ADGRA3: variants seen among roughly 807,000 people sequenced by gnomAD.
The protein encoded by ADGRA3 is G-protein coupled receptor 125.
A neutral mutation model predicts 119.8 loss-of-function variants in ADGRA3; 56 were observed. That is an observed-to-expected ratio of 0.47 (90% confidence interval 0.38 to 0.58). The LOEUF (loss-of-function observed/expected upper bound fraction) is 0.58, where lower values mean the gene tolerates loss of function less well. Among genes scored for constraint, ADGRA3 ranks in the 20% least tolerant of loss-of-function variants. The probability of loss-of-function intolerance (pLI) is 0.00; values close to 1 mark genes in which losing one functional copy is unlikely to be tolerated. For missense variants in ADGRA3, 1,516 were observed against 1,649.0 expected (o/e 0.92, Z 1.40); for synonymous variants, 607 against 623.8 (o/e 0.97, Z 0.40).
At chr4:22,497,801 C>T (rs1054038197) in intron 1 of ADGRA3, among the ~76,000 whole-genome samples, 6 of 147,772 alleles carry the variant, frequency 4.1e-5, no homozygotes, top group South Asian at 2.1e-4. Flanking sequence ...GTGTTCAGGC[C>T]GGGTGTGGTA....
At chr4:22,400,680 C>A (rs1226974914) in intron 16 of ADGRA3, among the ~76,000 whole-genome samples, 2 of 151,110 alleles carry the variant, frequency 1.3e-5, no homozygotes, top group African/African-American at 2.4e-5. Flanking sequence ...TTACAGAGAT[C>A]ACATGTTATA....
chr4:22,460,127 C>T (rs1051110098), intron 3 of ADGRA3, among the ~76,000 whole-genome samples: 3 of 152,156 alleles, frequency 2.0e-5, no homozygotes, highest in East Asian at 1.9e-4. Flanking sequence ...AATCTAAACA[C>T]GTCAGTGGCT....
chr4:22,445,284 T>A (rs1716789844), intron 5 of ADGRA3, 151 bp from the exon 6 acceptor site: 2 of 691,818 alleles, frequency 2.9e-6, no homozygotes, highest in Admixed American at 2.3e-5. Flanking sequence ...ACAGTTTCTC[T>A]CCAAGGAGCT....
intron 1 of ADGRA3, among the ~76,000 whole-genome samples, chr4:22,511,748 A>C (rs1719453057): frequency 6.6e-6 from 1 of 151,996 alleles, no homozygotes; most frequent in Non-Finnish European, 1.5e-5. Flanking sequence ...CTTACCTTTG[A>C]CATTCCGGTA....
intron 1 of ADGRA3, among the ~76,000 whole-genome samples, chr4:22,501,803 GAAT>G (rs1307222710): frequency 6.6e-6 from 1 of 150,732 alleles, no homozygotes; most frequent in African/African-American, 2.4e-5. Flanking sequence ...TGAGAACTAA[GAAT>G]ATTATAAAAC....
intron 16 of ADGRA3, chr4:22,394,339 G>C (rs1714263334): frequency 6.6e-6 from 1 of 152,178 alleles, no homozygotes; most frequent in African/African-American, 2.4e-5. Flanking sequence ...CAGTGGCTCT[G>C]AGGTGCTGGG....
At position 22,387,754 on chromosome 4, in the gene ADGRA3, C is replaced by T. The variant is rs879455722; in HGVS notation, c.3917G>A (p.Ser1306Asn). Reference protein sequence around the residue: ...GQEGPLLGTDSTGNVRTGLWK... With the variant: ...GQEGPLLGTDNTGNVRTGLWK... ...TAATCCAGTCCTAACATTGCCAGTG[C>T]TATCGGTACCGAGCAAGGGTCCCTC... The change falls in exon 19 of 19, where the codon AGC becomes AAC. Residue 1306 changes from serine to asparagine, a missense_variant. Physicochemically the swap from Ser to Asn is conservative, Grantham distance 46. Around this residue, in one of 2 missense-constraint regions of ADGRA3, gnomAD observed 1,088 missense variants for 1,107.1 expected, o/e 0.98. Transcript: ENST00000334304. 6.2e-7 allele frequency: 1 copy of T among 1,613,908 alleles called. No individual in the cohort carries two copies.
At chr4:22,446,909 A>G (rs1043169802) in intron 5 of ADGRA3, among the ~76,000 whole-genome samples, 5 of 148,558 alleles carry the variant, frequency 3.4e-5, no homozygotes, top group Admixed American at 2.7e-4. Flanking sequence ...AAACTGGGGG[A>G]AAAAAAATCA....
intron 3 of ADGRA3, among the ~76,000 whole-genome samples, chr4:22,456,185 T>C (rs1455749711): frequency 1.3e-5 from 2 of 152,014 alleles, no homozygotes; most frequent in African/African-American, 4.8e-5. Flanking sequence ...AACTCGTTTG[T>C]TTTTTTTCCT....
chr4:22,474,631 G>A (rs989200176), intron 1 of ADGRA3, among the ~76,000 whole-genome samples: 7 of 118,840 alleles, frequency 5.9e-5, no homozygotes, highest in African/African-American at 1.7e-4. Flanking sequence ...TGGGGAGTGG[G>A]AATATCAAGG....
At chr4:22,411,541 GTGAGGCGAGA>G (rs984740761) in intron 14 of ADGRA3, among the ~76,000 whole-genome samples, 2 of 152,174 alleles carry the variant, frequency 1.3e-5, no homozygotes, top group African/African-American at 4.8e-5. Flanking sequence ...AGAGGCTGCA[GTGAGGCGAGA>G]TTGCACCACT....
chr4:22,397,920 A>T, intron 16 of ADGRA3: 2 of 217,244 alleles, frequency 9.2e-6, no homozygotes, highest in Non-Finnish European at 7.8e-6. Context: ...AAACAGAATA[A>T]TACAGGTCCA....
rs371074604 is a variant in ADGRA3, at chr4:22,398,972, C to T, written c.2481+2459G>A. ...GGCAATGCCTCCCAGGGGACGTCCG[C>T]TTACATTCCCACCAACTATGTAAAA... On this transcript the variant is annotated intron_variant, in intron 16 of 18. Transcript: ENST00000334304. Among the ~76,000 whole-genome samples, 54 of 152,308 alleles carry T rather than the reference C, an allele frequency of 3.5e-4. No homozygotes were observed. The South Asian group carries it at 6.8e-3, about 19-fold the overall frequency.
chr4:22,477,146 T>C (rs1358464069), intron 1 of ADGRA3, among the ~76,000 whole-genome samples: 3 of 152,168 alleles, frequency 2.0e-5, no homozygotes, highest in African/African-American at 7.2e-5. Context: ...AAATAATTTA[T>C]GCTTTGAGAT....
Position 22,442,731 on chromosome 4 carries a change from T to A in ADGRA3, c.839A>T (p.Asp280Val). 1 of 1,613,390 alleles carries A rather than the reference T, an allele frequency of 6.2e-7. No homozygotes were observed. Among genetic ancestry groups the A allele is most frequent in the Non-Finnish European group, 8.5e-7 (1 of 1,179,534 alleles). Residue 280 changes from aspartate to valine, a missense_variant, in exon 7 of 19, where the codon GAT becomes GTT. Physicochemically the swap from Asp to Val is radical, Grantham distance 152. Transcript: ENST00000334304. Reference protein sequence around the residue: ...DQDMQVLWYQDGRIVETDESQ... With the variant: ...DQDMQVLWYQVGRIVETDESQ... ...TTCATCGGTTTCAACTATTCTCCCA[T>A]CCTGATACCACAACACTTGCATGTC...
intron 1 of ADGRA3, among the ~76,000 whole-genome samples, chr4:22,514,868 A>G (rs1719583548): frequency 6.6e-6 from 1 of 152,154 alleles, no homozygotes; most frequent in Non-Finnish European, 1.5e-5. Flanking sequence ...AAGGCTCAAT[A>G]AACCCACGGT....
chr4:22,513,510 T>C (rs1458871549), intron 1 of ADGRA3, among the ~76,000 whole-genome samples: 1 of 151,836 alleles, frequency 6.6e-6, no homozygotes, highest in South Asian at 2.1e-4. Context: ...TAAACAAATT[T>C]TTTTTTTCTT....
At chr4:22,428,001 T>A (rs1029467629) in intron 10 of ADGRA3, among the ~76,000 whole-genome samples, 1 of 152,202 alleles carries the variant, frequency 6.6e-6, no homozygotes, top group African/African-American at 2.4e-5. Flanking sequence ...ATGTCAAATG[T>A]TGTAAGAGAC....
At chr4:22,426,405 G>C (rs957154705) in intron 10 of ADGRA3, among the ~76,000 whole-genome samples, 3 of 152,140 alleles carry the variant, frequency 2.0e-5, no homozygotes, top group Non-Finnish European at 4.4e-5. Context: ...TAGTACAAGA[G>C]CTGATGCAGA....
Sources: allele counts gnomAD v4.1 joint callset (sites outside exome capture counted in the v4.1 genomes callset), GRCh38; gene constraint gnomAD v4.1.1; regional missense constraint gnomAD v4.1.1; transcripts MANE v1.5; gene names NCBI Gene and HGNC (gene_info 2026-07-23, HGNC 2026-07-21).